LIMS2: variants seen among roughly 807,000 people sequenced by gnomAD.
LIMS2 encodes the protein LIM and senescent cell antigen-like-containing domain protein 2.
Under a neutral mutation model 45.3 loss-of-function variants are expected in LIMS2, and 30 were observed. That is an observed-to-expected ratio of 0.66 (90% CI 0.50 to 0.90). The LOEUF is 0.90. LIMS2 is among the 40% of genes least tolerant of loss of function. The probability of loss-of-function intolerance (pLI) is 0.00; values close to 1 mark genes in which losing one functional copy is unlikely to be tolerated. For missense variants in LIMS2, 485 were observed against 468.7 expected (o/e 1.03, Z -0.32); for synonymous variants, 173 against 188.0 (o/e 0.92, Z 0.65).
chr2:127,651,836 CACCTCCCCAGCA>C, intron 4 of LIMS2: 3 of 1,345,956 alleles, frequency 2.2e-6, no homozygotes, highest in Non-Finnish European at 3.1e-6. Context: ...TTTCCCCAGC[CACCTCCCCAGCA>C]AGCAACCTGA....
intron 4 of LIMS2, chr2:127,652,073 C>T: frequency 2.7e-6 from 1 of 366,924 alleles, no homozygotes; most frequent in Non-Finnish European, 5.2e-6. Context: ...CGCTAGGCTC[C>T]CAGCCTCCTT....
chr2:127,658,717 G>A (rs1252330281), intron 1 of LIMS2, among the ~76,000 whole-genome samples: 3 of 152,226 alleles, frequency 2.0e-5, no homozygotes, highest in East Asian at 1.9e-4. Context: ...AAGGGAGAAC[G>A]TGGGTTCTGT....
chr2:127,650,515 G>A, intron 4 of LIMS2: 1 of 581,464 alleles, frequency 1.7e-6, no homozygotes, highest in Non-Finnish European at 3.0e-6. Flanking sequence ...TTCTGCGTTT[G>A]CCTTGTGCTG....
At chr2:127,674,740 G>A (rs550541909) in intron 1 of LIMS2, 3 of 985,340 alleles carry the variant, frequency 3.0e-6, no homozygotes, top group Admixed American at 6.1e-5. Flanking sequence ...AGCCCTGGGC[G>A]TCGGTTGTGA....
Position 127,638,954 on chromosome 2 carries a change from C to T in LIMS2, c.*327G>A. On this transcript the variant is annotated 3_prime_UTR_variant, in exon 10 of 10. Coordinates refer to ENST00000355119, the MANE Select transcript of LIMS2 (RefSeq NM_001161403.3). The stretch of plus-strand genomic sequence containing the variant: ...ACTGAGCCGCCTGGGGAGGGCCAGG[C>T]CAGGCGGGGAGCTGTGGTGCAATTT... 3.2e-6 allele frequency: 1 copy of T among 315,454 alleles called. No individual in the cohort carries two copies. The highest frequency in any genetic ancestry group is 6.0e-6 in the Non-Finnish European group (1 of 167,194). The allele number at this position is 315,454 out of a possible 1,614,324, so 19.5% of individuals were successfully genotyped here.
At chr2:127,681,172 G>C (rs1034645918) in intron 1 of LIMS2, 7 of 152,244 alleles carry the variant, frequency 4.6e-5, no homozygotes, top group African/African-American at 1.7e-4. Flanking sequence ...GCCGCCTGAC[G>C]GAGGGCAGCC....
upstream of LIMS2, among the ~76,000 whole-genome samples, chr2:127,677,739 C>A (rs1176245561): frequency 6.6e-6 from 1 of 152,206 alleles, no homozygotes; most frequent in Non-Finnish European, 1.5e-5. This position sits in a 1 kb window ranked among gnomAD's most constrained non-coding sequence, Gnocchi z 5.0. Flanking sequence ...AGGGGTGAAT[C>A]TCAGAAATAC....
At chr2:127,660,352 T>G (rs895918621) in intron 1 of LIMS2, among the ~76,000 whole-genome samples, 1 of 152,228 alleles carries the variant, frequency 6.6e-6, no homozygotes, top group East Asian at 1.9e-4. Context: ...AAGTTTGTTC[T>G]TTTGCTCTTT....
Position 127,664,359 on chromosome 2 carries a change from C to G in LIMS2, c.12-6797G>C. On this transcript the variant is annotated intron_variant, in intron 1 of 9. Transcript: ENST00000355119. This position sits in a 1 kb window ranked among gnomAD's most constrained non-coding sequence, Gnocchi z 5.5. ...GCTGGCGCCGCCGGTACAGCCCCGACGCGGCCAGCGCACCCAGCCGGGCCG... is the reference window on the plus strand; with the variant it reads ...GCTGGCGCCGCCGGTACAGCCCCGAGGCGGCCAGCGCACCCAGCCGGGCCG... 8.2e-7 allele frequency: 1 copy of G among 1,218,224 alleles called. No individual in the cohort carries two copies. Among genetic ancestry groups the G allele is most frequent in the Non-Finnish European group, 1.0e-6 (1 of 979,368 alleles). The allele number at this position is 1,218,224 out of a possible 1,614,324, so 75.5% of individuals were successfully genotyped here. A position where few individuals can be genotyped will look rare whatever the true frequency, so the allele number is the denominator to read the frequency against.
At chr2:127,670,564 A>C (rs1319957860) in intron 1 of LIMS2, among the ~76,000 whole-genome samples, 1 of 152,264 alleles carries the variant, frequency 6.6e-6, no homozygotes, top group Non-Finnish European at 1.5e-5. Context: ...ATGGTTGCAC[A>C]GCCTTGTGAA....
At position 127,667,852 on chromosome 2, in the gene LIMS2, G is replaced by T. The variant is rs1426863314; in HGVS notation, c.11+7162C>A. 6.6e-6 allele frequency among the ~76,000 whole-genome samples: 1 copy of T among 152,100 alleles called. No individual in the cohort carries two copies. The highest frequency in any genetic ancestry group is 2.4e-5 in the African/African-American group (1 of 41,418). On this transcript the variant is annotated intron_variant, in intron 1 of 9. Coordinates refer to ENST00000355119, the MANE Select transcript of LIMS2 (RefSeq NM_001161403.3). The surrounding 1 kb of genome is among the most constrained non-coding windows in gnomAD (Gnocchi z 4.1). ...ATCAAGGACAGTTAGACAAGAAAAA[G>T]AAATAAAAGACATCTAGTTTGAGAA...
At position 127,638,916 on chromosome 2, in the gene LIMS2, G is replaced by T; in HGVS notation, c.*365C>A. 3.9e-6 allele frequency: 1 copy of T among 254,218 alleles called. No homozygotes were observed. The highest frequency in any genetic ancestry group is 7.7e-6 in the Non-Finnish European group (1 of 130,130). The allele number at this position is 254,218 out of a possible 1,614,324, so 15.7% of individuals were successfully genotyped here. A position where few individuals can be genotyped will look rare whatever the true frequency, so the allele number is the denominator to read the frequency against. On this transcript the variant is annotated 3_prime_UTR_variant, in exon 10 of 10. Transcript: ENST00000355119. The stretch of plus-strand genomic sequence containing the variant: ...CGCTCTGGGGCAGGGGCTCTCACAG[G>T]ACAGCATGAGCCACTGAGCCGCCTG...
intron 1 of LIMS2, among the ~76,000 whole-genome samples, chr2:127,670,710 C>T (rs958175456): frequency 2.0e-5 from 3 of 151,978 alleles, no homozygotes; most frequent in Non-Finnish European, 4.4e-5. Flanking sequence ...AACTGAGGCC[C>T]CAAGCTATGA....
chr2:127,653,136 G>A lies in LIMS2; in HGVS notation c.359+1288C>T, dbSNP rs1683970183. Among the ~76,000 whole-genome samples the A allele has an allele frequency of 1.3e-5, 2 of 152,148 alleles. No individual in the cohort carries two copies. The highest frequency in any genetic ancestry group is 1.3e-4 in the Admixed American group (2 of 15,276). On this transcript the variant is annotated intron_variant, in intron 4 of 9. Transcript: ENST00000355119. This position sits in a 1 kb window ranked among gnomAD's most constrained non-coding sequence, Gnocchi z 5.3. ...GCACCGCCCAGCTCCGAGGACAGTGGGCCGGACGCCAGGCCCCAGGCCACG... is the reference window on the plus strand; with the variant it reads ...GCACCGCCCAGCTCCGAGGACAGTGAGCCGGACGCCAGGCCCCAGGCCACG...
Position 127,639,231 on chromosome 2 carries a change from C to CG in LIMS2, c.*49_*50insC, listed in dbSNP as rs757882786. ...GGACGAGGGGGCCAAGCATGGACAG[C>CG]AGGAGGGGAGAAGGCGGAGGGGCCG... On this transcript the variant is annotated 3_prime_UTR_variant, in exon 10 of 10. Transcript: ENST00000355119. 1.9e-6 allele frequency: 3 copies of CG among 1,596,102 alleles called. No homozygotes were observed. In the South Asian group the frequency reaches 3.4e-5, roughly 18 times the overall value.
intron 4 of LIMS2, chr2:127,651,718 C>T: frequency 6.2e-7 from 1 of 1,612,962 alleles, no homozygotes; most frequent in Non-Finnish European, 8.5e-7. Flanking sequence ...GAAGGGAAAA[C>T]CAACGAGAGC....
upstream of LIMS2, among the ~76,000 whole-genome samples, chr2:127,675,828 C>T (rs1056679376): frequency 1.3e-5 from 2 of 152,320 alleles, no homozygotes; most frequent in Non-Finnish European, 2.9e-5. Context: ...AGGCTAAAGC[C>T]GAGAGGCGTC....
At chr2:127,641,082 CCAGT>C in intron 6 of LIMS2, 94 bp from the exon 7 acceptor site, 1 of 937,076 alleles carries the variant, frequency 1.1e-6, no homozygotes, top group Non-Finnish European at 1.7e-6. Context: ...ACCCCAGGAG[CCAGT>C]GACTCCAGGG....
At chr2:127,659,755 A>C (rs554216639) in intron 1 of LIMS2, among the ~76,000 whole-genome samples, 1 of 152,300 alleles carries the variant, frequency 6.6e-6, no homozygotes, top group Admixed American at 6.5e-5. Flanking sequence ...TTCCGCCTTA[A>C]AGCCAGACCT....
Sources: allele counts gnomAD v4.1 joint callset (sites outside exome capture counted in the v4.1 genomes callset), GRCh38; gene constraint gnomAD v4.1.1; non-coding constraint Gnocchi (gnomAD v3.1); transcripts MANE v1.5; gene names NCBI Gene and HGNC (gene_info 2026-07-23, HGNC 2026-07-21).